RAD54L2: variants seen among roughly 807,000 people sequenced by gnomAD.
RAD54L2 encodes RAD54 like 2, also known as helicase ARIP4.
RAD54L2 carries 27 observed loss-of-function variants against 138.4 expected under a neutral mutation model. That is an observed-to-expected ratio of 0.20 (90% CI 0.14 to 0.27). The LOEUF (loss-of-function observed/expected upper bound fraction) is 0.27. RAD54L2 is among the 10% of genes least tolerant of loss of function. RAD54L2 has a pLI of 1.00. For synonymous variants in RAD54L2, 644 were observed against 723.2 expected (o/e 0.89, Z 1.76); for missense variants, 1,396 against 1,890.2 (o/e 0.74, Z 4.85).
chr3:51,651,847 A>G (rs972034155), intron 19 of RAD54L2, among the ~76,000 whole-genome samples: 4 of 152,186 alleles, frequency 2.6e-5, no homozygotes, highest in African/African-American at 9.7e-5. Context: ...ATGGGCAAAC[A>G]CTGGAAGCCT....
chr3:51,653,921 T>A (rs1265450312), intron 19 of RAD54L2, among the ~76,000 whole-genome samples: 4 of 152,276 alleles, frequency 2.6e-5, no homozygotes, highest in Non-Finnish European at 4.4e-5. Flanking sequence ...CCCTGGAACT[T>A]AAAGTATAAT....
At chr3:51,623,715 C>G (rs1025769410) in intron 3 of RAD54L2, among the ~76,000 whole-genome samples, 3 of 151,764 alleles carry the variant, frequency 2.0e-5, no homozygotes, top group Non-Finnish European at 4.4e-5. Context: ...GGGGCTCATG[C>G]CTGTAATCCC....
intron 2 of RAD54L2, among the ~76,000 whole-genome samples, chr3:51,544,022 ATTAT>A (rs1345420735): frequency 3.9e-5 from 6 of 152,124 alleles, no homozygotes; most frequent in South Asian, 2.1e-4. Flanking sequence ...TTTAAAAAAA[ATTAT>A]TTATATATTT....
At chr3:51,574,857 C>T (rs909703687) in intron 2 of RAD54L2, among the ~76,000 whole-genome samples, 1 of 152,158 alleles carries the variant, frequency 6.6e-6, no homozygotes, top group Non-Finnish European at 1.5e-5. Context: ...TTAATTAGAT[C>T]ACATTTGTCA....
chr3:51,633,731 C>T lies in RAD54L2; in HGVS notation c.980C>T (p.Pro327Leu). ...ATCGACGTCCTCTTCCGCCACACGC[C>T]AGCCAAAACAGTCCTTGCCATTGTG... ...SFIDVLFRHT[P>L]AKTVLAIVPV... The change falls in exon 8 of 23, where the codon CCA becomes CTA. Residue 327 changes from proline to leucine, a missense_variant. Around this residue, in one of 7 missense-constraint regions of RAD54L2, gnomAD observed 169 missense variants for 235.6 expected, o/e 0.72. Transcript: ENST00000684192. The T allele has an allele frequency of 6.2e-6, 10 of 1,613,926 alleles. No individual in the cohort carries two copies. Among genetic ancestry groups the T allele is most frequent in the Non-Finnish European group, 8.5e-6 (10 of 1,179,876 alleles).
intron 2 of RAD54L2, among the ~76,000 whole-genome samples, chr3:51,550,964 C>T (rs1335194303): frequency 2.0e-5 from 3 of 152,058 alleles, no homozygotes; most frequent in Admixed American, 6.6e-5. Flanking sequence ...CAAGAATCCC[C>T]TGAACCCAGG....
chr3:51,609,570 G>C (rs890837637), intron 3 of RAD54L2, among the ~76,000 whole-genome samples: 2 of 152,182 alleles, frequency 1.3e-5, no homozygotes, highest in African/African-American at 4.8e-5. Flanking sequence ...ATTTTGTAAA[G>C]GTTTCTTATT....
intron 3 of RAD54L2, among the ~76,000 whole-genome samples, chr3:51,624,380 G>C (rs1700632766): frequency 6.6e-6 from 1 of 151,894 alleles, no homozygotes; most frequent in Non-Finnish European, 1.5e-5. Context: ...GGGACTACAA[G>C]CACAAGTGCA....
chr3:51,551,850 T>TG (rs1698847065), intron 2 of RAD54L2, among the ~76,000 whole-genome samples: 1 of 151,902 alleles, frequency 6.6e-6, no homozygotes. Context: ...TCTCCTGGGT[T>TG]CAGACGATTC....
chr3:51,575,981 A>G (rs944105216), intron 2 of RAD54L2, among the ~76,000 whole-genome samples: 2 of 152,062 alleles, frequency 1.3e-5, no homozygotes, highest in Non-Finnish European at 2.9e-5. Flanking sequence ...ATTGGCTGTG[A>G]GTTTGTCATA....
At chr3:51,593,755 G>A (rs1699891652) in intron 3 of RAD54L2, among the ~76,000 whole-genome samples, 1 of 151,986 alleles carries the variant, frequency 6.6e-6, no homozygotes, top group Admixed American at 6.6e-5. Context: ...CTGTCTTTTG[G>A]GTTTGGTGTA....
At chr3:51,593,434 G>A (rs576880348) in intron 3 of RAD54L2, among the ~76,000 whole-genome samples, 4 of 151,426 alleles carry the variant, frequency 2.6e-5, no homozygotes, top group East Asian at 3.9e-4. Flanking sequence ...CCAGGTTTAC[G>A]CCATTCTCCT....
chr3:51,561,320 AT>A (rs1699091794), intron 2 of RAD54L2, among the ~76,000 whole-genome samples: 1 of 152,146 alleles, frequency 6.6e-6, no homozygotes, highest in Non-Finnish European at 1.5e-5. Context: ...ATCTCGGTTC[AT>A]TGCAACCTCC....
At chr3:51,592,602 TTTC>T (rs796393272) in intron 3 of RAD54L2, among the ~76,000 whole-genome samples, 10 of 152,072 alleles carry the variant, frequency 6.6e-5, no homozygotes, top group African/African-American at 2.4e-4. Context: ...CTTTTTTTTT[TTTC>T]TTTTGTTGGC....
chr3:51,613,789 C>CGTA (rs1700386556), intron 3 of RAD54L2, among the ~76,000 whole-genome samples: 1 of 148,506 alleles, frequency 6.7e-6, no homozygotes, highest in African/African-American at 2.5e-5. Flanking sequence ...AAAAAAGGTA[C>CGTA]GTAGTTGTGT....
intron 3 of RAD54L2, among the ~76,000 whole-genome samples, chr3:51,611,220 G>A (rs899315337): frequency 6.6e-6 from 1 of 151,474 alleles, no homozygotes; most frequent in African/African-American, 2.4e-5. Flanking sequence ...TGGAAGGAAG[G>A]GTTCAGATGG....
chr3:51,666,254 T>TTA lies in RAD54L2; in HGVS notation c.*2838_*2839dup, dbSNP rs1701910495. The TTA allele has an allele frequency of 6.7e-6, 1 of 149,040 alleles. No individual in the cohort carries two copies. The allele number at this position is 149,040 out of a possible 1,614,324, so 9.2% of individuals were successfully genotyped here. A position where few individuals can be genotyped will look rare whatever the true frequency, so the allele number is the denominator to read the frequency against. On this transcript the variant is annotated 3_prime_UTR_variant, in exon 23 of 23. Transcript: ENST00000684192. ...CACTTCTGACTTTTCCACTGTCTCT[T>TTA]TATATGTGCTGATAGGCAAATGTGC... is the stretch of plus-strand genomic sequence containing the variant.
chr3:51,596,120 G>A (rs1317492834), intron 3 of RAD54L2, among the ~76,000 whole-genome samples: 2 of 116 alleles, frequency 0.017, no homozygotes, highest in East Asian at 0.25. Context: ...GTAGAGACGG[G>A]TTTCACCATG....
At chr3:51,647,213 C>CT (rs1160913448) in intron 19 of RAD54L2, among the ~76,000 whole-genome samples, 1 of 151,986 alleles carries the variant, frequency 6.6e-6, no homozygotes, top group Non-Finnish European at 1.5e-5. Context: ...TTTTCTCTTT[C>CT]TTTTTTTGTG....
Sources: gnomAD v4.1 joint callset for allele counts (sites outside exome capture counted in the v4.1 genomes callset) on GRCh38, gnomAD v4.1.1 for gene constraint, gnomAD v4.1.1 regional missense constraint, MANE v1.5 for transcripts, NCBI Gene and HGNC (gene_info 2026-07-23, HGNC 2026-07-21) for gene names.